Variants in SNX31 observed in about 807,000 individuals in gnomAD.
SNX31 encodes the protein sorting nexin 31, also known as sorting nexin-31.
A neutral mutation model predicts 65.4 loss-of-function variants in SNX31; 58 were observed. That is an observed-to-expected ratio of 0.89 (90% CI 0.72 to 1.10). SNX31 has a LOEUF of 1.10. SNX31 is among the 50% of genes least tolerant of loss of function. The pLI is 0.00. For synonymous variants in SNX31, 181 were observed against 190.1 expected, an observed-to-expected ratio of 0.95 and a Z score of 0.39; for missense variants, 523 against 529.7, an observed-to-expected ratio of 0.99 and a Z score of 0.12.
chr8:100,605,262 C>A (rs1268845822), intron 8 of SNX31, among the ~76,000 whole-genome samples: 1 of 152,102 alleles, frequency 6.6e-6, no homozygotes, highest in Non-Finnish European at 1.5e-5. Flanking sequence ...AGTCTCTGCC[C>A]TTGGCCATTC....
At chr8:100,651,316 T>C (rs548151504), upstream of SNX31, among the ~76,000 whole-genome samples, 76 of 152,310 alleles carry the variant, frequency 5.0e-4, 2 homozygotes, top group South Asian at 0.015. Flanking sequence ...GAGTGCCTCT[T>C]GGGACAAAGC....
In SNX31 at chr8:100,622,493, A is replaced by C. The variant is rs1817763910; in HGVS notation, c.322-4763T>G. On this transcript the variant is annotated intron_variant, in intron 4 of 13. Transcript: ENST00000311812. This position sits in a 1 kb window ranked among gnomAD's most constrained non-coding sequence, Gnocchi z 5.0. The stretch of plus-strand genomic sequence containing the variant: ...ATGGTGAAACACTGTCTCTACTAAA[A>C]TACAGAAATTAGCTGGGCGTGGTGG... 6.6e-6 allele frequency among the ~76,000 whole-genome samples: 1 copy of C among 152,022 alleles called. No homozygotes were observed. The highest frequency in any genetic ancestry group is 1.5e-5 in the Non-Finnish European group (1 of 68,000).
chr8:100,650,137 C>T (rs973109596), upstream of SNX31, among the ~76,000 whole-genome samples: 1 of 152,222 alleles, frequency 6.6e-6, no homozygotes, highest in East Asian at 1.9e-4. Context: ...GGTGCATTCA[C>T]ATAAACACTT....
chr8:100,644,586 G>A (rs535177754), intron 2 of SNX31, among the ~76,000 whole-genome samples: 23 of 152,346 alleles, frequency 1.5e-4, no homozygotes, highest in African/African-American at 5.5e-4. Flanking sequence ...CAGGACTGCA[G>A]GTGAGGATGA....
At chr8:100,643,354 T>C (rs1819402633) in intron 2 of SNX31, among the ~76,000 whole-genome samples, 1 of 152,128 alleles carries the variant, frequency 6.6e-6, no homozygotes, top group African/African-American at 2.4e-5. Context: ...CACCCCCCTA[T>C]ACCTATGCCA....
At position 100,597,830 on chromosome 8, in the gene SNX31, G is replaced by A. The variant is rs974368061; in HGVS notation, c.775-988C>T. 7.2e-5 allele frequency among the ~76,000 whole-genome samples: 11 copies of A among 152,164 alleles called. No homozygotes were observed. The East Asian group carries it at 1.2e-3, about 16-fold the overall frequency. ...GATCAAGGCATCCTGTCACATTAACGTCTGTCCAGGGCTTTCCATTTTGTT... is the reference window on the plus strand; with the variant it reads ...GATCAAGGCATCCTGTCACATTAACATCTGTCCAGGGCTTTCCATTTTGTT... On this transcript the variant is annotated intron_variant, in intron 9 of 13. Transcript: ENST00000311812.
chr8:100,651,129 A>G (rs541472807), upstream of SNX31, among the ~76,000 whole-genome samples: 4 of 152,284 alleles, frequency 2.6e-5, no homozygotes, highest in Admixed American at 1.3e-4. Context: ...TGAGATTACA[A>G]GTGTGAAATT....
Position 100,599,367 on chromosome 8 carries a change from T to A in SNX31, c.774+982A>T, listed in dbSNP as rs115530486. Reference sequence around the variant, plus strand: ...GTGGTGTACACAGTTTGTAATTGCATCTGAAGTAACAGCAATATTCTATCC... The same window carrying A: ...GTGGTGTACACAGTTTGTAATTGCAACTGAAGTAACAGCAATATTCTATCC... On this transcript the variant is annotated intron_variant, in intron 9 of 13. Transcript: ENST00000311812. Among the ~76,000 whole-genome samples, 956 of 152,240 alleles carry A rather than the reference T, an allele frequency of 6.3e-3. 18 individuals are homozygous for A. The highest frequency in any genetic ancestry group is 0.022 in the African/African-American group (927 of 41,540).
Position 100,573,938 on chromosome 8 carries a change from A to T in SNX31, c.1250T>A (p.Leu417Gln). 1 of 1,581,618 alleles carries T rather than the reference A, an allele frequency of 6.3e-7. No individual in the cohort carries two copies. Among genetic ancestry groups the T allele is most frequent in the Non-Finnish European group, 8.6e-7 (1 of 1,163,702 alleles). ...QSQQKDYSSFLSRKSKIKIAK... is the reference protein window; with the variant it reads ...QSQQKDYSSFQSRKSKIKIAK... ...TATCTTAATCTTGCTTTTTCTTGAT[A>T]GAAAACTAGAATAGTCTTTCTGCTG... Residue 417 changes from leucine (L) to glutamine (Q), a missense_variant, in exon 14 of 14, where the codon CTA becomes CAA. Physicochemically the swap from Leu to Gln is moderately radical, Grantham distance 113. Transcript: ENST00000311812.
At chr8:100,634,335 C>T (rs7459674) in intron 3 of SNX31, among the ~76,000 whole-genome samples, 22,500 of 152,170 alleles carry the variant, frequency 0.15, 1,872 homozygotes, top group South Asian at 0.25. Context: ...AGACCTCTGA[C>T]ATCTCTCAAG....
chr8:100,596,595 A>G, intron 10 of SNX31, 44 bp downstream of exon 10: 1 of 1,534,006 alleles, frequency 6.5e-7, no homozygotes, highest in Non-Finnish European at 9.0e-7. Context: ...CAAGGGTACT[A>G]GGATTTTTAA....
At chr8:100,663,391 T>C (rs1172725190) in exon 1 of SNX31, 1 of 152,242 alleles carries the variant, frequency 6.6e-6, no homozygotes, top group Non-Finnish European at 1.5e-5. Flanking sequence ...AACCAAGCCT[T>C]TTTTGAATGC....
chr8:100,662,161 A>G (rs937586213), intron 1 of SNX31, among the ~76,000 whole-genome samples: 1 of 152,028 alleles, frequency 6.6e-6, no homozygotes, highest in Admixed American at 6.6e-5. Context: ...TGTAGTAGGT[A>G]CTCTTCTGCT....
At chr8:100,647,951 T>C (rs530310270) in intron 2 of SNX31, among the ~76,000 whole-genome samples, 1 of 152,364 alleles carries the variant, frequency 6.6e-6, no homozygotes, top group South Asian at 2.1e-4. Flanking sequence ...TATGCCATTC[T>C]TCATTCAATC....
intron 10 of SNX31, among the ~76,000 whole-genome samples, chr8:100,592,629 T>C (rs1342556649): frequency 2.0e-5 from 3 of 152,124 alleles, no homozygotes; most frequent in Non-Finnish European, 4.4e-5. Context: ...CCTAGGTATA[T>C]ACTCAAGAGA....
chr8:100,645,353 T>C (rs117113210), intron 2 of SNX31, among the ~76,000 whole-genome samples: 9,960 of 152,288 alleles, frequency 0.065, 453 homozygotes, highest in Non-Finnish European at 0.095. Context: ...AATTCTGAGC[T>C]GTTTCACATC....
At chr8:100,659,156 G>T (rs1809726950) in intron 1 of SNX31, among the ~76,000 whole-genome samples, 1 of 151,938 alleles carries the variant, frequency 6.6e-6, no homozygotes, top group Non-Finnish European at 1.5e-5. Flanking sequence ...GACCAGACTG[G>T]CCAACATGGT....
chr8:100,661,846 A>C (rs778288020), intron 1 of SNX31, among the ~76,000 whole-genome samples: 8 of 151,720 alleles, frequency 5.3e-5, no homozygotes, highest in Middle Eastern at 6.8e-3. Context: ...TTTTTTTGAG[A>C]CAGAATCTTG....
upstream of SNX31, chr8:100,649,738 G>A: frequency 2.2e-6 from 1 of 453,910 alleles, no homozygotes; most frequent in East Asian, 3.8e-5. Context: ...TCTGGTCCCG[G>A]GATAGGTGGC....
Sources: allele counts gnomAD v4.1 joint callset (sites outside exome capture counted in the v4.1 genomes callset), GRCh38; gene constraint gnomAD v4.1.1; non-coding constraint Gnocchi (gnomAD v3.1); transcripts MANE v1.5; gene names NCBI Gene and HGNC (gene_info 2026-07-23, HGNC 2026-07-21).